The following CAVIN1 variants were observed in gnomAD, a reference collection of about 807,000 sequenced individuals.
CAVIN1 encodes caveolae-associated protein 1.
Under a neutral mutation model 24.0 loss-of-function variants are expected in CAVIN1, and 16 were observed. The ratio of observed to expected loss-of-function variants is 0.67; its 90% CI spans 0.45 to 1.01. The LOEUF (loss-of-function observed/expected upper bound fraction) is 1.01, where lower values mean the gene tolerates loss of function less well. Ranked by LOEUF, CAVIN1 falls within the 50% of genes least tolerant of loss-of-function variation. The probability of loss-of-function intolerance (pLI) is 0.00; values close to 1 mark genes in which losing one functional copy is unlikely to be tolerated. For synonymous variants in CAVIN1, 256 were observed against 256.4 expected (o/e 1.00, Z 0.02); for missense variants, 510 against 551.7 (o/e 0.92, Z 0.76).
In CAVIN1 at chr17:42,404,685, G is replaced by T; in HGVS notation, c.*2C>A. 6.9e-7 allele frequency: 1 copy of T among 1,448,870 alleles called. No individual in the cohort carries two copies. Among genetic ancestry groups the T allele is most frequent in the African/African-American group, 1.5e-5 (1 of 68,016 alleles). The allele number at this position is 1,448,870 out of a possible 1,614,324, so 89.8% of individuals were successfully genotyped here. On this transcript the variant is annotated 3_prime_UTR_variant, in exon 2 of 2. Coordinates refer to ENST00000357037, the MANE Select transcript of CAVIN1 (RefSeq NM_012232.6). ...AATGGGGTGGGTGGCAGCGGGGGCGGCTCAGTCGCTGTCGCTCTTGTCCAC... is the reference window on the plus strand; with the variant it reads ...AATGGGGTGGGTGGCAGCGGGGGCGTCTCAGTCGCTGTCGCTCTTGTCCAC...
Position 42,404,397 on chromosome 17 carries a change from G to A in CAVIN1, c.*290C>T, listed in dbSNP as rs1218422330. 1.0e-5 allele frequency: 3 copies of A among 286,574 alleles called. No homozygotes were observed. Among genetic ancestry groups the A allele is most frequent in the South Asian group, 9.7e-5 (1 of 10,314 alleles). 17.8% of individuals were successfully genotyped at this position (286,574 alleles called of 1,614,324 possible). On this transcript the variant is annotated 3_prime_UTR_variant, in exon 2 of 2. Transcript: ENST00000357037. The stretch of plus-strand genomic sequence containing the variant: ...GCAGCCCCCCCAGGGGGGCCTAACC[G>A]TGGAATCACTGCAATTTCCTCTGAG...
chr17:42,417,340 C>T (rs1457152396), intron 1 of CAVIN1, among the ~76,000 whole-genome samples: 1 of 151,756 alleles, frequency 6.6e-6, no homozygotes, highest in Non-Finnish European at 1.5e-5. Context: ...CCTGTAAATC[C>T]CAGCTACTCG....
chr17:42,411,137 T>C (rs116355933), intron 1 of CAVIN1, among the ~76,000 whole-genome samples: 2,732 of 129,140 alleles, frequency 0.021, 93 homozygotes, highest in African/African-American at 0.072. Context: ...AGGTTGTAGT[T>C]AGCCGAGATC....
At chr17:42,411,311 G>C (rs1374020807) in intron 1 of CAVIN1, 7 of 376,126 alleles carry the variant, frequency 1.9e-5, no homozygotes, top group African/African-American at 1.5e-4. Flanking sequence ...CCAGCACTTT[G>C]GGAAGCTGAG....
chr17:42,423,002 C>T lies in CAVIN1; in HGVS notation c.96G>A (p.Ala32=), dbSNP rs781161894. The change falls in exon 1 of 2, where the codon GCG becomes GCA. Residue 32 remains alanine (A), a synonymous_variant. Transcript: ENST00000357037. ...CTGAGCCGGCCCCCGACGGCTCCTC[C>T]GCTGCCTGAGCCCCAGCGGAGGAAG... ...PEPSSAGAQA[A]EEPSGAGSEE... The T allele has an allele frequency of 3.7e-6, 6 of 1,613,008 alleles. No individual in the cohort carries two copies. Among genetic ancestry groups the T allele is most frequent in the Non-Finnish European group, 5.1e-6 (6 of 1,179,828 alleles).
chr17:42,419,054 G>A lies in CAVIN1; in HGVS notation c.471+3573C>T, dbSNP rs116720704. ...CAAATATGAAAAAAAACAATTTGCC[G>A]GGCACGGTGGTGGGCACCTGTAGTC... On this transcript the variant is annotated intron_variant, in intron 1 of 1. Coordinates refer to ENST00000357037, the MANE Select transcript of CAVIN1 (RefSeq NM_012232.6). Among the ~76,000 whole-genome samples the A allele has an allele frequency of 2.1e-3, 312 of 152,004 alleles. 2 individuals carry two copies. The highest frequency in any genetic ancestry group is 7.2e-3 in the African/African-American group (298 of 41,460).
chr17:42,405,046 T>G lies in CAVIN1; in HGVS notation c.814A>C (p.Lys272Gln), dbSNP rs1171009575. The G allele has an allele frequency of 6.2e-7, 1 of 1,614,096 alleles. No homozygotes were observed. Among genetic ancestry groups the G allele is most frequent in the Admixed American group, 1.7e-5 (1 of 60,014 alleles). The change falls in exon 2 of 2, where the codon AAG becomes CAG. Residue 272 changes from lysine to glutamine, a missense_variant. By Grantham distance (53) the Lys-to-Gln change is moderately conservative. Coordinates refer to ENST00000357037, the MANE Select transcript of CAVIN1 (RefSeq NM_012232.6). ...NLEKTRHTLE[K>Q]RMNKLGTRLV... ...CGCGTGCCCAGCTTGTTCATGCGCTTCTCCAGGGTGTGCCGCGTCTTCTCC... is the reference window on the plus strand; with the variant it reads ...CGCGTGCCCAGCTTGTTCATGCGCTGCTCCAGGGTGTGCCGCGTCTTCTCC...
intron 1 of CAVIN1, 59 bp downstream of exon 1, chr17:42,422,568 A>T: frequency 7.5e-7 from 1 of 1,333,742 alleles, no homozygotes; most frequent in Non-Finnish European, 1.0e-6. Flanking sequence ...CCCAACTCCC[A>T]GGCAGGGGAC....
At chr17:42,419,545 A>C (rs186273120) in intron 1 of CAVIN1, among the ~76,000 whole-genome samples, 1 of 152,168 alleles carries the variant, frequency 6.6e-6, no homozygotes, top group East Asian at 1.9e-4. Context: ...TACTGACCTC[A>C]AGTGATCCAC....
chr17:42,404,752 G>T lies in CAVIN1; in HGVS notation c.1108C>A (p.His370Asn). Residue 370 changes from histidine (H) to asparagine (N), a missense_variant, in exon 2 of 2, where the codon CAC (histidine) becomes AAC (asparagine). Transcript: ENST00000357037. Reference protein sequence around the residue: ...DLRRGSSPDVHALLEITEESD... With the variant: ...DLRRGSSPDVNALLEITEESD... ...TCCTCGGTGATCTCCAGCAGCGCGT[G>T]CACGTCGGGGCTGCTCCCGCGCCGC... 1 of 1,528,844 alleles carries T rather than the reference G, an allele frequency of 6.5e-7. No homozygotes were observed. The highest frequency in any genetic ancestry group is 8.7e-7 in the Non-Finnish European group (1 of 1,144,118). 94.7% of individuals were successfully genotyped at this position (1,528,844 alleles called of 1,614,324 possible). A position where few individuals can be genotyped will look rare whatever the true frequency, so the allele number is the denominator to read the frequency against.
chr17:42,412,215 G>T (rs968882160), intron 1 of CAVIN1: 1 of 985,014 alleles, frequency 1.0e-6, no homozygotes, highest in Non-Finnish European at 1.2e-6. Flanking sequence ...TCTTGGGTGT[G>T]GCCAGGTCAG....
At chr17:42,405,682 G>GTTTTTTTTTTT (rs531661585) in intron 1 of CAVIN1, among the ~76,000 whole-genome samples, 1,816 of 57,312 alleles carry the variant, frequency 0.032, 72 homozygotes, top group South Asian at 0.05. Flanking sequence ...CTCTCTCCTT[G>GTTTTTTTTTTT]TTTTTTTTTT....
Position 42,405,143 on chromosome 17 carries a change from C to T in CAVIN1, c.717G>A (p.Glu239=), listed in dbSNP as rs576949427. ...TACGCACCTTGGTCTTCTCCATCTT[C>T]TCCTTGGAGAAGGCCTTCTTGAAGT... ...VDDFKKAFSK[E]KMEKTKVRTR... is the part of the protein sequence containing the mutation. Residue 239 remains glutamate (E), a synonymous_variant, in exon 2 of 2, where the codon GAG becomes GAA. Coordinates refer to ENST00000357037, the MANE Select transcript of CAVIN1 (RefSeq NM_012232.6). The T allele has an allele frequency of 1.7e-4, 278 of 1,614,100 alleles. 3 individuals carry two copies. The South Asian group carries it at 2.7e-3, about 16-fold the overall frequency.
rs373443392 is a variant in CAVIN1, at chr17:42,422,513, G to A, written c.471+114C>T. On this transcript the variant is annotated intron_variant, in intron 1 of 1. Transcript: ENST00000357037. The stretch of plus-strand genomic sequence containing the variant: ...AGGAGGGTGGATCTGCCGGGCGCCC[G>A]GGCCAGGCTGGGAGGGGAGCAGCGC... 577 of 335,894 alleles carry A rather than the reference G, an allele frequency of 1.7e-3. 8 individuals carry two copies. In the East Asian group the frequency reaches 0.052, roughly 31 times the overall value. 20.8% of individuals were successfully genotyped at this position (335,894 alleles called of 1,614,324 possible).
chr17:42,415,487 C>A (rs569499765), intron 1 of CAVIN1, among the ~76,000 whole-genome samples: 1 of 151,078 alleles, frequency 6.6e-6, no homozygotes, highest in South Asian at 2.1e-4. Context: ...CTGAGGCAGA[C>A]GGATTGCTTG....
rs1243774217 is a variant in CAVIN1, at chr17:42,422,730, G to A, written c.368C>T (p.Thr123Ile). The change falls in exon 1 of 2, where the codon ACC (threonine) becomes ATC (isoleucine). Residue 123 changes from threonine to isoleucine, a missense_variant. By Grantham distance (89) the Thr-to-Ile change is moderately conservative. Transcript: ENST00000357037. Reference sequence around the variant, plus strand: ...CTGGCGCTCCAGGCTGCCGCGCACGGTCTTCACGTTGACGCTGACCTTGCG... The same window carrying A: ...CTGGCGCTCCAGGCTGCCGCGCACGATCTTCACGTTGACGCTGACCTTGCG... Reference protein sequence around the residue: ...KVRKVSVNVKTVRGSLERQAG... With the variant: ...KVRKVSVNVKIVRGSLERQAG... 1.2e-6 allele frequency: 2 copies of A among 1,610,894 alleles called. No individual in the cohort carries two copies. The highest frequency in any genetic ancestry group is 1.7e-5 in the Admixed American group (1 of 59,566).
At position 42,419,350 on chromosome 17, in the gene CAVIN1, G is replaced by A. The variant is rs181229359; in HGVS notation, c.471+3277C>T. ...TATTTTTGAGATGGAGTCTCACTCTGTCGCCCAGGCTGGAGTGCAATAACA... is the reference window on the plus strand; with the variant it reads ...TATTTTTGAGATGGAGTCTCACTCTATCGCCCAGGCTGGAGTGCAATAACA... On this transcript the variant is annotated intron_variant, in intron 1 of 1. Coordinates refer to ENST00000357037, the MANE Select transcript of CAVIN1 (RefSeq NM_012232.6). Among the ~76,000 whole-genome samples, 9 of 151,870 alleles carry A rather than the reference G, an allele frequency of 5.9e-5. No individual in the cohort carries two copies. The East Asian group carries it at 1.4e-3, about 23-fold the overall frequency.
chr17:42,419,450 T>C (rs1170533762), intron 1 of CAVIN1, among the ~76,000 whole-genome samples: 2 of 151,934 alleles, frequency 1.3e-5, no homozygotes, highest in Admixed American at 6.6e-5. Context: ...GTAACCAGGA[T>C]TAGAGGTGCT....
rs1204530093 is a variant in CAVIN1, at chr17:42,404,845, T to A, written c.1015A>T (p.Thr339Ser). ...REGQVEVLKA[T>S]EMVEVGADDD... Reference sequence around the variant, plus strand: ...TCGGCGCCCACCTCCACCATCTCGGTGGCCTTGAGCACTTCCACCTGGCCC... The same window carrying A: ...TCGGCGCCCACCTCCACCATCTCGGAGGCCTTGAGCACTTCCACCTGGCCC... The change falls in exon 2 of 2, where the codon ACC becomes TCC. Residue 339 changes from threonine (T) to serine (S), a missense_variant. Physicochemically the swap from Thr to Ser is moderately conservative, Grantham distance 58. Coordinates refer to ENST00000357037, the MANE Select transcript of CAVIN1 (RefSeq NM_012232.6). The A allele has an allele frequency of 1.2e-5, 19 of 1,613,540 alleles. No individual in the cohort carries two copies. The East Asian group carries it at 4.0e-4, about 34-fold the overall frequency.
Sources: allele counts gnomAD v4.1 joint callset (sites outside exome capture counted in the v4.1 genomes callset), GRCh38; gene constraint gnomAD v4.1.1; transcripts MANE v1.5; gene names NCBI Gene and HGNC (gene_info 2026-07-23, HGNC 2026-07-21).